VSIG10L2: variants seen among roughly 807,000 people sequenced by gnomAD.
VSIG10L2 encodes the protein V-set and immunoglobulin domain-containing protein 10-like 2.
VSIG10L2 carries 56 observed loss-of-function variants against 67.1 expected under a neutral mutation model. The ratio of observed to expected loss-of-function variants is 0.83; its 90% CI spans 0.67 to 1.04. VSIG10L2 has a LOEUF of 1.04. Ranked by LOEUF, VSIG10L2 falls within the 50% of genes least tolerant of loss-of-function variation. The pLI is 0.00. For missense variants in VSIG10L2, 843 were observed against 932.8 expected (o/e 0.90, Z 1.25); for synonymous variants, 360 against 396.6 (o/e 0.91, Z 1.10).
In VSIG10L2 at chr11:125,946,156, C is replaced by A. The variant is rs1050157479; in HGVS notation, c.82+19C>A. 2.5e-6 allele frequency: 1 copy of A among 399,052 alleles called. No individual in the cohort carries two copies. 24.7% of individuals were successfully genotyped at this position (399,052 alleles called of 1,614,324 possible). ...GCCTCAGGTGAGTGATACTCAGACC[C>A]CCCAGGGGGTTCATTTCCCACTCCC... On this transcript the variant is annotated intron_variant, in intron 1 of 11. Transcript: ENST00000686984. The surrounding 1 kb of genome is among the most constrained non-coding windows in gnomAD (Gnocchi z 4.4).
rs1358358271 is a variant in VSIG10L2 at position 125,950,115 on chromosome 11, G to C, written c.811G>C (p.Ala271Pro). 3.9e-5 allele frequency: 48 copies of C among 1,232,378 alleles called. No homozygotes were observed. Among genetic ancestry groups the C allele is most frequent in the Non-Finnish European group, 4.5e-5 (44 of 988,120 alleles). 76.3% of individuals were successfully genotyped at this position (1,232,378 alleles called of 1,614,324 possible). A position where few individuals can be genotyped will look rare whatever the true frequency, so the allele number is the denominator to read the frequency against. ...AGAGGTGACCCTGAGCTGTCTGGCTGCCTCCAACCCACCTAGTCACTATGT... is the reference window on the plus strand; with the variant it reads ...AGAGGTGACCCTGAGCTGTCTGGCTCCCTCCAACCCACCTAGTCACTATGT... ...REEVTLSCLA[A>P]SNPPSHYVWL... The change falls in exon 4 of 12, where the codon GCC becomes CCC. Residue 271 changes from alanine to proline, a missense_variant. Around this residue, in one of 2 missense-constraint regions of VSIG10L2, gnomAD observed 446 missense variants for 548.4 expected, o/e 0.81. Transcript: ENST00000686984.
chr11:125,948,843 C>T (rs556019239), intron 3 of VSIG10L2, among the ~76,000 whole-genome samples: 1 of 152,404 alleles, frequency 6.6e-6, no homozygotes, highest in Admixed American at 6.5e-5. Context: ...ATTTCACTCA[C>T]CATTTCACTG....
chr11:125,956,319 A>G lies in VSIG10L2; in HGVS notation c.*405A>G, dbSNP rs1945473876. On this transcript the variant is annotated 3_prime_UTR_variant, in exon 12 of 12. Transcript: ENST00000686984. ...TAAATCAGAGCTGATGTTCACGCCA[A>G]TAGAGGGCTACTTCCATTGCGACTC... 2 of 815,302 alleles carry G rather than the reference A, an allele frequency of 2.5e-6. No homozygotes were observed. The highest frequency in any genetic ancestry group is 3.6e-6 in the Non-Finnish European group (2 of 554,886). 50.5% of individuals were successfully genotyped at this position (815,302 alleles called of 1,614,324 possible).
chr11:125,947,663 T>G, intron 1 of VSIG10L2, 23 bp from the exon 2 acceptor site: 1 of 1,232,368 alleles, frequency 8.1e-7, no homozygotes, highest in Non-Finnish European at 1.0e-6. Flanking sequence ...CCAGAAGTCC[T>G]GCTATGCCCC....
rs1175932860 is a variant in VSIG10L2, at chr11:125,947,942, C to T, written c.339C>T (p.His113=). ...GCAGCCTGGTGCTGGGGGAGCTTCA[C>T]GAGGGTGCCCGTGGCCACTTCCTAT... The part of the protein sequence containing the change: ...RNSSLVLGEL[H]EGARGHFLCQ... The change falls in exon 2 of 12, where the codon CAC becomes CAT. Residue 113 remains histidine (H), a synonymous_variant. Coordinates refer to ENST00000686984, the MANE Select transcript of VSIG10L2 (RefSeq NM_001365077.2). The T allele has an allele frequency of 2.5e-5, 31 of 1,232,208 alleles. No homozygotes were observed. The highest frequency in any genetic ancestry group is 4.1e-5 in the South Asian group (1 of 24,322). The allele number at this position is 1,232,208 out of a possible 1,614,324, so 76.3% of individuals were successfully genotyped here. A position where few individuals can be genotyped will look rare whatever the true frequency, so the allele number is the denominator to read the frequency against.
At chr11:125,949,238 A>G (rs1299524844) in intron 3 of VSIG10L2, among the ~76,000 whole-genome samples, 4 of 152,008 alleles carry the variant, frequency 2.6e-5, no homozygotes, top group Admixed American at 6.6e-5. Flanking sequence ...TAAAACACCT[A>G]TTGGTGGTTT....
chr11:125,955,513 G>A lies in VSIG10L2; in HGVS notation c.2231+7G>A, dbSNP rs762240395. ...GTCAATTGCTTGTTCCCACGTGAGT[G>A]TGGAACCCCAGTCATCCTGGGGGCC... On this transcript the variant is annotated splice_region_variant and intron_variant, in intron 10 of 11. Coordinates refer to ENST00000686984, the MANE Select transcript of VSIG10L2 (RefSeq NM_001365077.2). 4.4e-5 allele frequency: 45 copies of A among 1,030,530 alleles called. No individual in the cohort carries two copies. Among genetic ancestry groups the A allele is most frequent in the Admixed American group, 3.4e-4 (16 of 47,522 alleles). The allele number at this position is 1,030,530 out of a possible 1,614,324, so 63.8% of individuals were successfully genotyped here.
At chr11:125,952,688 G>T (rs971026152) in intron 6 of VSIG10L2, among the ~76,000 whole-genome samples, 4 of 152,164 alleles carry the variant, frequency 2.6e-5, no homozygotes, top group Non-Finnish European at 5.9e-5. Context: ...ACTCTGTTTG[G>T]TTTTGGTCTG....
chr11:125,954,148 G>T lies in VSIG10L2; in HGVS notation c.1848G>T (p.Glu616Asp). 8.1e-7 allele frequency: 1 copy of T among 1,232,236 alleles called. No homozygotes were observed. Among genetic ancestry groups the T allele is most frequent in the Non-Finnish European group, 1.0e-6 (1 of 988,050 alleles). 76.3% of individuals were successfully genotyped at this position (1,232,236 alleles called of 1,614,324 possible). ...TGACCTACGGGAGGCACCGGAGAGA[G>T]GTGCAGCTTCAATGGGCCATCTTAG... ...SRLTYGRHRREVQLQWAILGP... is the reference protein window; with the variant it reads ...SRLTYGRHRRDVQLQWAILGP... The change falls in exon 8 of 12, where the codon GAG becomes GAT. Residue 616 changes from glutamate (E) to aspartate (D), a missense_variant. Physicochemically the swap from Glu to Asp is conservative, Grantham distance 45 (BLOSUM62 2). Transcript: ENST00000686984.
In VSIG10L2 at chr11:125,950,138, T is replaced by G; in HGVS notation, c.834T>G (p.Tyr278Ter). The change falls in exon 4 of 12, where the codon TAT becomes TAG. Residue 278 changes from tyrosine (Y) to a stop codon, truncating the protein, a stop_gained. Transcript: ENST00000686984. LOFTEE classifies it high-confidence loss of function. ...CTGCCTCCAACCCACCTAGTCACTA[T>G]GTGTGGCTCCGTGACCACACGCAAG... ...CLAASNPPSH[Y>*]VWLRDHTQVH... 8.1e-7 allele frequency: 1 copy of G among 1,232,344 alleles called. No homozygotes were observed. Among genetic ancestry groups the G allele is most frequent in the Non-Finnish European group, 1.0e-6 (1 of 988,096 alleles). 76.3% of individuals were successfully genotyped at this position (1,232,344 alleles called of 1,614,324 possible).
chr11:125,952,622 A>G (rs1945392881), intron 6 of VSIG10L2, among the ~76,000 whole-genome samples: 1 of 152,228 alleles, frequency 6.6e-6, no homozygotes, highest in Non-Finnish European at 1.5e-5. Flanking sequence ...ATGGATTTGC[A>G]TAAGAGAGGT....
chr11:125,947,040 G>A (rs913673704), intron 1 of VSIG10L2, among the ~76,000 whole-genome samples: 1 of 152,178 alleles, frequency 6.6e-6, no homozygotes, highest in Non-Finnish European at 1.5e-5. Context: ...GATAGACTGG[G>A]AACTCCATGA....
intron 4 of VSIG10L2, among the ~76,000 whole-genome samples, chr11:125,950,640 C>T (rs867525632): frequency 5.6e-4 from 85 of 152,232 alleles, no homozygotes; most frequent in Non-Finnish European, 1.9e-4. Flanking sequence ...GGGACAGAGA[C>T]GAGAATGGGA....
intron 1 of VSIG10L2, chr11:125,947,446 C>G: frequency 1.0e-6 from 1 of 985,402 alleles, no homozygotes; most frequent in Non-Finnish European, 1.2e-6. Context: ...GATGTCTGCT[C>G]CAGTCCATTC....
Position 125,948,295 on chromosome 11 carries a change from C to T in VSIG10L2, c.434-10C>T, listed in dbSNP as rs1945321696. Reference sequence around the variant, plus strand: ...TAATAACACAGCGGGCCTCTCCCTCCTCTGGCCAGTGCCGGTGTCCAAGCC... The same window carrying T: ...TAATAACACAGCGGGCCTCTCCCTCTTCTGGCCAGTGCCGGTGTCCAAGCC... On this transcript the variant is annotated splice_polypyrimidine_tract_variant and intron_variant, in intron 2 of 11. Transcript: ENST00000686984. The T allele has an allele frequency of 8.1e-7, 1 of 1,232,532 alleles. No individual in the cohort carries two copies. The highest frequency in any genetic ancestry group is 1.0e-6 in the Non-Finnish European group (1 of 988,292). 76.3% of individuals were successfully genotyped at this position (1,232,532 alleles called of 1,614,324 possible). A position where few individuals can be genotyped will look rare whatever the true frequency, so the allele number is the denominator to read the frequency against.
rs1690552146 is a variant in VSIG10L2, at chr11:125,951,907, T to G, written c.1329T>G (p.Pro443=). 3 of 1,535,720 alleles carry G rather than the reference T, an allele frequency of 2.0e-6. No individual in the cohort carries two copies. Among genetic ancestry groups the G allele is most frequent in the Non-Finnish European group, 2.6e-6 (3 of 1,146,638 alleles). The change falls in exon 6 of 12, where the codon CCT becomes CCG. Residue 443 remains proline (P), a synonymous_variant. Transcript: ENST00000686984. ...LSCEWPGGEP[P]ATLGWLDEQQ... is the part of the protein sequence containing the mutation. ...GCGAGTGGCCTGGCGGCGAGCCCCC[T>G]GCCACGCTGGGCTGGCTTGACGAAC...
Position 125,948,255 on chromosome 11 carries a change from C to T in VSIG10L2, c.434-50C>T, listed in dbSNP as rs1296291364. 6.5e-6 allele frequency: 8 copies of T among 1,231,872 alleles called. No homozygotes were observed. In the Admixed American group the frequency reaches 1.3e-4, roughly 19 times the overall value. 76.3% of individuals were successfully genotyped at this position (1,231,872 alleles called of 1,614,324 possible). On this transcript the variant is annotated intron_variant, in intron 2 of 11. Coordinates refer to ENST00000686984, the MANE Select transcript of VSIG10L2 (RefSeq NM_001365077.2). ...GGTGGGGGCGCTGGACACAGCTGGGCGTGTCCTGGGTCTGTAATAACACAG... is the reference window on the plus strand; with the variant it reads ...GGTGGGGGCGCTGGACACAGCTGGGTGTGTCCTGGGTCTGTAATAACACAG...
intron 8 of VSIG10L2, among the ~76,000 whole-genome samples, chr11:125,954,650 G>A (rs927451560): frequency 2.0e-5 from 3 of 152,166 alleles, no homozygotes; most frequent in Non-Finnish European, 4.4e-5. Flanking sequence ...GGAAGGAAAA[G>A]GTGCTGGTGA....
Position 125,951,004 on chromosome 11 carries a change from A to G in VSIG10L2, c.1080A>G (p.Gln360=). 1 of 1,232,288 alleles carries G rather than the reference A, an allele frequency of 8.1e-7. No homozygotes were observed. Among genetic ancestry groups the G allele is most frequent in the South Asian group, 4.1e-5 (1 of 24,320 alleles). The allele number at this position is 1,232,288 out of a possible 1,614,324, so 76.3% of individuals were successfully genotyped here. Residue 360 remains glutamine, a synonymous_variant, in exon 5 of 12, where the codon CAA becomes CAG. Coordinates refer to ENST00000686984, the MANE Select transcript of VSIG10L2 (RefSeq NM_001365077.2). ...CAWPGGLPPA[Q]LQWEGPQGPG... ...GGCCTGGGGGGCTTCCGCCTGCCCAACTGCAGTGGGAAGGGCCTCAGGGAC... is the reference window on the plus strand; with the variant it reads ...GGCCTGGGGGGCTTCCGCCTGCCCAGCTGCAGTGGGAAGGGCCTCAGGGAC...
Sources: allele counts gnomAD v4.1 joint callset (sites outside exome capture counted in the v4.1 genomes callset), GRCh38; gene constraint gnomAD v4.1.1; regional missense constraint gnomAD v4.1.1; non-coding constraint Gnocchi (gnomAD v3.1); transcripts MANE v1.5; gene names NCBI Gene and HGNC (gene_info 2026-07-23, HGNC 2026-07-21).